The following GALNT8 variants were observed in gnomAD, a reference collection of about 807,000 sequenced individuals.
GALNT8 encodes probable polypeptide N-acetylgalactosaminyltransferase 8.
Under a neutral mutation model 62.7 loss-of-function variants are expected in GALNT8, and 66 were observed. The observed-to-expected ratio is 1.05, with a 90% CI of 0.86 to 1.29. The LOEUF (loss-of-function observed/expected upper bound fraction) is 1.29. Among genes scored for constraint, GALNT8 ranks in the 50% most tolerant of loss-of-function variants. The pLI is 0.00. For synonymous variants in GALNT8, 288 were observed against 294.3 expected (o/e 0.98, Z 0.22); for missense variants, 771 against 791.8 (o/e 0.97, Z 0.32).
intron 6 of GALNT8, among the ~76,000 whole-genome samples, chr12:4,747,871 C>A (rs1233224244): frequency 1.3e-5 from 2 of 152,150 alleles, no homozygotes; most frequent in Non-Finnish European, 2.9e-5. Flanking sequence ...TCCACATCCT[C>A]TCCAGCATTG....
chr12:4,728,387 A>G (rs1565381988), intron 2 of GALNT8, among the ~76,000 whole-genome samples: 4 of 151,708 alleles, frequency 2.6e-5, no homozygotes, highest in South Asian at 2.1e-4. Flanking sequence ...CAATTTATCT[A>G]TTTTCTCCTG....
Position 4,726,631 on chromosome 12 carries a change from C to G in GALNT8, c.311C>G (p.Thr104Ser). ...CGCCCTCTTCTAAAGGCAATGGAAA[C>G]CAAGGTGAATGAGACAAAGAAGCAC... ...EVRPLLKAME[T>S]KVNETKKHKT... Residue 104 changes from threonine to serine, a missense_variant, in exon 2 of 11, where the codon ACC (threonine) becomes AGC (serine). Coordinates refer to ENST00000252318, the MANE Select transcript of GALNT8 (RefSeq NM_017417.2). The surrounding 1 kb of genome is among the most constrained non-coding windows in gnomAD (Gnocchi z 4.1). 6.2e-7 allele frequency: 1 copy of G among 1,613,770 alleles called. No individual in the cohort carries two copies. The highest frequency in any genetic ancestry group is 8.5e-7 in the Non-Finnish European group (1 of 1,179,860).
intron 7 of GALNT8, among the ~76,000 whole-genome samples, chr12:4,762,696 T>C (rs1238990649): frequency 2.0e-5 from 3 of 152,250 alleles, no homozygotes; most frequent in Non-Finnish European, 4.4e-5. Flanking sequence ...ATATAAAATA[T>C]CAAGGTTACT....
chr12:4,759,891 A>G (rs1456235000), intron 6 of GALNT8, among the ~76,000 whole-genome samples: 1 of 152,208 alleles, frequency 6.6e-6, no homozygotes, highest in Admixed American at 6.5e-5. Context: ...TACTGAGATG[A>G]ACATAATATT....
chr12:4,744,656 C>T lies in GALNT8; in HGVS notation c.816C>T (p.Asp272=), dbSNP rs745739407. ...RNTGWEAATA[D]VVAILDAHIE... ...CTGGCTGGGAAGCTGCCACAGCAGA[C>T]GTGGTCGCCATCTTGGATGCTCACA... Residue 272 remains aspartate (D), a synonymous_variant, in exon 4 of 11, where the codon GAC becomes GAT. Transcript: ENST00000252318. 38 of 1,613,202 alleles carry T rather than the reference C, an allele frequency of 2.4e-5. No individual in the cohort carries two copies. In the South Asian group the frequency reaches 2.5e-4, roughly 11 times the overall value.
At chr12:4,762,320 A>G (rs1946376905) in intron 7 of GALNT8, among the ~76,000 whole-genome samples, 1 of 152,212 alleles carries the variant, frequency 6.6e-6, no homozygotes, top group African/African-American at 2.4e-5. Context: ...TTTACATGGG[A>G]TGATCCACAA....
intron 10 of GALNT8, among the ~76,000 whole-genome samples, chr12:4,771,386 T>G (rs1591577273): frequency 6.7e-6 from 1 of 149,700 alleles, no homozygotes; most frequent in African/African-American, 2.5e-5. Context: ...GAGGAAAGGG[T>G]GGTTGGGGCT....
At chr12:4,736,163 G>C (rs1003009192) in intron 2 of GALNT8, among the ~76,000 whole-genome samples, 1 of 152,148 alleles carries the variant, frequency 6.6e-6, no homozygotes, top group Non-Finnish European at 1.5e-5. Context: ...GGAACAGGAA[G>C]ACTGAAAATC....
chr12:4,740,650 C>T (rs904304043), intron 3 of GALNT8, among the ~76,000 whole-genome samples: 1 of 152,152 alleles, frequency 6.6e-6, no homozygotes, highest in African/African-American at 2.4e-5. Flanking sequence ...CCTTGAACTC[C>T]TGATCTCAGA....
chr12:4,755,714 G>A (rs1946341612), intron 6 of GALNT8, among the ~76,000 whole-genome samples: 1 of 152,136 alleles, frequency 6.6e-6, no homozygotes, highest in African/African-American at 2.4e-5. Flanking sequence ...CTCTATAAGG[G>A]AATTCAGGAT....
chr12:4,765,499 TC>T lies in GALNT8; in HGVS notation c.1716del (p.Lys573ArgfsTer20), dbSNP rs781707448. 1.2e-6 allele frequency: 2 copies of T among 1,612,312 alleles called. No individual in the cohort carries two copies. The highest frequency in any genetic ancestry group is 2.2e-5 in the South Asian group (2 of 90,950). The part of the protein sequence containing the change: ...KAEKPTLEPC[S>X]KAAKNRLHIY... Reference sequence around the variant, plus strand: ...GGAGAAGCCCACCTTAGAACCATGCTCCAAGGCAGCTAAGAATAGACTGCAT... The same window carrying T: ...GGAGAAGCCCACCTTAGAACCATGCTCAAGGCAGCTAAGAATAGACTGCAT... On this transcript the variant is annotated frameshift_variant, in exon 10 of 11. Transcript: ENST00000252318. LOFTEE classifies it low-confidence loss of function (END_TRUNC).
chr12:4,747,823 C>T (rs1453435426), intron 6 of GALNT8, among the ~76,000 whole-genome samples: 3 of 151,826 alleles, frequency 2.0e-5, no homozygotes, highest in African/African-American at 7.3e-5. Flanking sequence ...TTGTACTAAT[C>T]TACATTCCCA....
intron 6 of GALNT8, among the ~76,000 whole-genome samples, chr12:4,751,343 A>T (rs1946321599): frequency 6.6e-6 from 1 of 152,152 alleles, no homozygotes; most frequent in African/African-American, 2.4e-5. Flanking sequence ...TAGTTCTTTA[A>T]GATGCATCAT....
chr12:4,737,916 A>G (rs1453631987), intron 2 of GALNT8, among the ~76,000 whole-genome samples: 1 of 152,198 alleles, frequency 6.6e-6, no homozygotes, highest in Non-Finnish European at 1.5e-5. Flanking sequence ...AGCCTCCAGA[A>G]CCAGGAGCCA....
intron 2 of GALNT8, among the ~76,000 whole-genome samples, chr12:4,735,748 T>G (rs750575140): frequency 6.6e-6 from 1 of 152,124 alleles, no homozygotes; most frequent in Non-Finnish European, 1.5e-5. Flanking sequence ...GGCTGCCACC[T>G]CCTTCCCCCC....
intron 6 of GALNT8, among the ~76,000 whole-genome samples, chr12:4,757,679 C>T (rs1946351225): frequency 6.6e-6 from 1 of 152,184 alleles, no homozygotes. Flanking sequence ...TACATGGCCA[C>T]ACCTGTGTGC....
Position 4,770,826 on chromosome 12 carries a change from G to C in GALNT8, c.1762-1619G>C, listed in dbSNP as rs190393187. ...AATGTTTGTTGAAAGGGATAGTAGAGTTAAGGTCTGGGTTTATTTTGTCCT... is the reference window on the plus strand; with the variant it reads ...AATGTTTGTTGAAAGGGATAGTAGACTTAAGGTCTGGGTTTATTTTGTCCT... On this transcript the variant is annotated intron_variant, in intron 10 of 10. Transcript: ENST00000252318. 2.6e-5 allele frequency among the ~76,000 whole-genome samples: 4 copies of C among 152,300 alleles called. No homozygotes were observed. The East Asian group carries it at 7.7e-4, about 29-fold the overall frequency.
intron 6 of GALNT8, among the ~76,000 whole-genome samples, chr12:4,750,879 A>G (rs1452709771): frequency 6.6e-6 from 1 of 152,110 alleles, no homozygotes; most frequent in East Asian, 1.9e-4. Context: ...TTCAAACTAT[A>G]CTACAGGGCT....
At chr12:4,759,649 C>T (rs1171431700) in intron 6 of GALNT8, among the ~76,000 whole-genome samples, 2 of 151,718 alleles carry the variant, frequency 1.3e-5, no homozygotes, top group African/African-American at 4.8e-5. Flanking sequence ...ATTTGAAAGT[C>T]AGATAATGAG....
Sources: allele counts gnomAD v4.1 joint callset (sites outside exome capture counted in the v4.1 genomes callset), GRCh38; gene constraint gnomAD v4.1.1; non-coding constraint Gnocchi (gnomAD v3.1); transcripts MANE v1.5; gene names NCBI Gene and HGNC (gene_info 2026-07-23, HGNC 2026-07-21).